Variants in TMCO4 observed in about 807,000 individuals in gnomAD.
TMCO4 encodes transmembrane and coiled-coil domain-containing protein 4.
TMCO4 carries 58 observed loss-of-function variants against 64.7 expected under a neutral mutation model. That is an observed-to-expected ratio of 0.90 (90% CI 0.73 to 1.12). The LOEUF is 1.12. Among genes scored for constraint, TMCO4 ranks in the 50% most tolerant of loss-of-function variants. The pLI is 0.00. For synonymous variants in TMCO4, 325 were observed against 346.1 expected (o/e 0.94, Z 0.68); for missense variants, 780 against 825.9 (o/e 0.94, Z 0.68).
chr1:19,701,594 C>T (rs1328031726), intron 13 of TMCO4, among the ~76,000 whole-genome samples: 1 of 152,152 alleles, frequency 6.6e-6, no homozygotes, highest in South Asian at 2.1e-4. Context: ...AAGCTCACAC[C>T]AGCCGTGGAC....
intron 13 of TMCO4, among the ~76,000 whole-genome samples, chr1:19,701,795 G>A (rs1269365147): frequency 1.3e-5 from 2 of 152,026 alleles, no homozygotes; most frequent in Admixed American, 6.6e-5. Flanking sequence ...CCGCTGCATC[G>A]ATCTAATGAT....
At chr1:19,718,848 T>C (rs2095368981) in intron 13 of TMCO4, among the ~76,000 whole-genome samples, 1 of 152,064 alleles carries the variant, frequency 6.6e-6, no homozygotes, top group Admixed American at 6.6e-5. Flanking sequence ...ACCAAATTTC[T>C]GCCGAGGAAT....
chr1:19,683,447 G>T lies in TMCO4; in HGVS notation c.1501-3C>A. 1 of 1,612,126 alleles carries T rather than the reference G, an allele frequency of 6.2e-7. No homozygotes were observed. The highest frequency in any genetic ancestry group is 8.5e-7 in the Non-Finnish European group (1 of 1,179,902). On this transcript the variant is annotated splice_region_variant and splice_polypyrimidine_tract_variant and intron_variant, in intron 15 of 15. Coordinates refer to ENST00000294543, the MANE Select transcript of TMCO4 (RefSeq NM_181719.7). ...GCATAGTCCAGGTGGCCGCTGACCT[G>T]CAGGAGACAGTGAGTGAGCACCACC...
intron 14 of TMCO4, among the ~76,000 whole-genome samples, chr1:19,698,913 G>A (rs1216851138): frequency 6.6e-6 from 1 of 152,170 alleles, no homozygotes; most frequent in African/African-American, 2.4e-5. Flanking sequence ...AAAATCATGT[G>A]CGGCGGGGTG....
At chr1:19,702,142 A>T (rs12728865) in intron 13 of TMCO4, among the ~76,000 whole-genome samples, 67,932 of 151,748 alleles carry the variant, frequency 0.45, 15,533 homozygotes, top group Admixed American at 0.51. Flanking sequence ...GCTAATCTTT[A>T]GTATTTTTAG....
chr1:19,713,278 T>C (rs2095340082), intron 13 of TMCO4, among the ~76,000 whole-genome samples: 1 of 152,148 alleles, frequency 6.6e-6, no homozygotes, highest in Non-Finnish European at 1.5e-5. Context: ...CTACCACAGA[T>C]GTACACAATA....
rs559088006 is a variant in TMCO4 at position 19,705,078 on chromosome 1, A to G, written c.1265-4193T>C. Among the ~76,000 whole-genome samples, 4 of 152,282 alleles carry G rather than the reference A, an allele frequency of 2.6e-5. No homozygotes were observed. The East Asian group carries it at 7.7e-4, about 29-fold the overall frequency. On this transcript the variant is annotated intron_variant, in intron 13 of 15. Coordinates refer to ENST00000294543, the MANE Select transcript of TMCO4 (RefSeq NM_181719.7). ...TGTTAGCTAAGGGCGGTTGGCAAGA[A>G]CCACCTTAGACCAGGGGTGTCCAAT...
chr1:19,716,297 GC>G (rs964456675), intron 13 of TMCO4, among the ~76,000 whole-genome samples: 43 of 150,214 alleles, frequency 2.9e-4, no homozygotes, highest in African/African-American at 9.5e-4. Context: ...CGATTCTCCT[GC>G]CTCAGCCTCC....
rs562577343 is a variant in TMCO4 at position 19,714,554 on chromosome 1, TACA to T, written c.1265-13672_1265-13670del. Among the ~76,000 whole-genome samples the T allele has an allele frequency of 2.6e-5, 4 of 152,342 alleles. 1 individual carries two copies. The South Asian group carries it at 8.3e-4, about 32-fold the overall frequency. On this transcript the variant is annotated intron_variant, in intron 13 of 15. Transcript: ENST00000294543. The stretch of plus-strand genomic sequence containing the variant: ...TAAGACTGGATTGAAAACTCATCTT[TACA>T]GCTACTCATACATGGGAATCTGTGT...
At chr1:19,766,650 G>A (rs894369754) in intron 6 of TMCO4, among the ~76,000 whole-genome samples, 14 of 152,206 alleles carry the variant, frequency 9.2e-5, no homozygotes, top group South Asian at 6.2e-4. Flanking sequence ...AATCCTCACC[G>A]CCACCCTACA....
chr1:19,776,010 C>T (rs941584839), intron 4 of TMCO4, among the ~76,000 whole-genome samples: 5 of 152,190 alleles, frequency 3.3e-5, no homozygotes, highest in African/African-American at 1.2e-4. Context: ...CGGATTCAAG[C>T]GATTCTTCTA....
chr1:19,760,837 G>A (rs1248182312), intron 6 of TMCO4, among the ~76,000 whole-genome samples: 3 of 152,252 alleles, frequency 2.0e-5, no homozygotes, highest in South Asian at 2.1e-4. Context: ...ATCTTTGTAC[G>A]TAAGAGGAAT....
chr1:19,758,661 T>C (rs2042369820), intron 6 of TMCO4, among the ~76,000 whole-genome samples: 1 of 152,154 alleles, frequency 6.6e-6, no homozygotes. Flanking sequence ...CTGGAAGCTC[T>C]AGGAGCAAAT....
At chr1:19,727,359 C>T (rs550353443) in intron 13 of TMCO4, among the ~76,000 whole-genome samples, 19 of 152,278 alleles carry the variant, frequency 1.2e-4, no homozygotes, top group African/African-American at 3.6e-4. Flanking sequence ...CCAGGTGCTC[C>T]GTGGGATGAC....
intron 13 of TMCO4, among the ~76,000 whole-genome samples, chr1:19,705,817 C>T (rs1040675611): frequency 6.6e-6 from 1 of 152,128 alleles, no homozygotes; most frequent in African/African-American, 2.4e-5. Flanking sequence ...TCAAAATCCA[C>T]TGTTTGGTTC....
At chr1:19,710,270 A>ATTT (rs11310431) in intron 13 of TMCO4, among the ~76,000 whole-genome samples, 6,988 of 138,392 alleles carry the variant, frequency 0.05, 257 homozygotes, top group Admixed American at 0.1. Context: ...CCATGCCCCC[A>ATTT]TTTTTTTTTT....
Position 19,732,638 on chromosome 1 carries a change from C to T in TMCO4, c.1264+4734G>A, listed in dbSNP as rs988814665. Among the ~76,000 whole-genome samples, 2 of 151,500 alleles carry T rather than the reference C, an allele frequency of 1.3e-5. No individual in the cohort carries two copies. The highest frequency in any genetic ancestry group is 2.9e-5 in the Non-Finnish European group (2 of 67,832). ...GGGCATGGTGGCTCATGCCTGTAAC[C>T]CCAGTGCTGTGGGAAGCTGAGGCAG... On this transcript the variant is annotated intron_variant, in intron 13 of 15. Transcript: ENST00000294543. The surrounding 1 kb of genome is among the most constrained non-coding windows in gnomAD (Gnocchi z 4.8).
intron 15 of TMCO4, among the ~76,000 whole-genome samples, chr1:19,683,808 G>T (rs1268204255): frequency 7.3e-6 from 1 of 137,008 alleles, no homozygotes; most frequent in African/African-American, 2.9e-5. Flanking sequence ...TCTTGCCCAG[G>T]CTGGAGTGCC....
At chr1:19,747,085 C>G in intron 8 of TMCO4, 78 bp downstream of exon 8, 4 of 1,472,344 alleles carry the variant, frequency 2.7e-6, no homozygotes, top group Non-Finnish European at 1.9e-6. Flanking sequence ...CCTGCACTCT[C>G]CACTCTCACC....
Sources: gnomAD v4.1 joint callset for allele counts (sites outside exome capture counted in the v4.1 genomes callset) on GRCh38, gnomAD v4.1.1 for gene constraint, Gnocchi (gnomAD v3.1) non-coding constraint, MANE v1.5 for transcripts, NCBI Gene and HGNC (gene_info 2026-07-23, HGNC 2026-07-21) for gene names.